RELN: variants seen among roughly 807,000 people sequenced by gnomAD.
The protein encoded by RELN is reelin.
RELN carries 108 observed loss-of-function variants against 427.6 expected under a neutral mutation model. The ratio of observed to expected loss-of-function variants is 0.25; its 90% CI spans 0.22 to 0.30. The LOEUF (loss-of-function observed/expected upper bound fraction) is 0.30, where lower values mean the gene tolerates loss of function less well. RELN is among the 10% of genes least tolerant of loss of function. RELN has a pLI of 1.00. For missense variants in RELN, 3,715 were observed against 4,302.8 expected, an observed-to-expected ratio of 0.86 and a Z score of 3.82; for synonymous variants, 1,524 against 1,513.4, an observed-to-expected ratio of 1.01 and a Z score of -0.16.
At chr7:103,775,035 G>C (rs7785495) in intron 4 of RELN, among the ~76,000 whole-genome samples, 2 of 151,900 alleles carry the variant, frequency 1.3e-5, no homozygotes, top group Non-Finnish European at 2.9e-5. Context: ...CAATAATTCA[G>C]TTATAATAGA....
intron 16 of RELN, among the ~76,000 whole-genome samples, chr7:103,644,935 A>C (rs566307203): frequency 1.3e-5 from 2 of 151,758 alleles, no homozygotes; most frequent in African/African-American, 4.8e-5. Flanking sequence ...GGAATTCTTA[A>C]TAGAAACCTT....
chr7:103,864,762 C>T (rs926112546), intron 2 of RELN, among the ~76,000 whole-genome samples: 2 of 151,958 alleles, frequency 1.3e-5, no homozygotes, highest in African/African-American at 4.8e-5. Flanking sequence ...AACAACAAAA[C>T]TGAGTTTGGC....
chr7:103,903,866 C>T (rs917941984), intron 2 of RELN, among the ~76,000 whole-genome samples: 1 of 151,094 alleles, frequency 6.6e-6, no homozygotes, highest in Non-Finnish European at 1.5e-5. Context: ...TTTTAAGTTC[C>T]GGGATACATG....
At chr7:103,612,422 T>C (rs1831981797) in intron 20 of RELN, among the ~76,000 whole-genome samples, 1 of 151,800 alleles carries the variant, frequency 6.6e-6, no homozygotes, top group Non-Finnish European at 1.5e-5. Flanking sequence ...ATTACAGGCA[T>C]GTGCCACCAT....
chr7:103,926,627 GTTTTTTTTTTT>G (rs60259062), intron 1 of RELN, among the ~76,000 whole-genome samples: 40 of 99,440 alleles, frequency 4.0e-4, no homozygotes, highest in Admixed American at 3.7e-4. Context: ...AGTATCATAA[GTTTTTTTTTTT>G]TTTTTTTTTT....
intron 45 of RELN, among the ~76,000 whole-genome samples, chr7:103,538,282 G>C (rs115562659): frequency 6.6e-6 from 1 of 152,114 alleles, no homozygotes; most frequent in Non-Finnish European, 1.5e-5. Flanking sequence ...ATCTAAAACT[G>C]AACGGGGACC....
intron 64 of RELN, among the ~76,000 whole-genome samples, chr7:103,477,137 G>A (rs538436072): frequency 3.7e-4 from 57 of 152,178 alleles, no homozygotes; most frequent in Non-Finnish European, 7.2e-4. Context: ...TGCCAAGGGA[G>A]TTTAGGGACT....
chr7:103,480,920 T>C (rs1365840255), intron 63 of RELN, among the ~76,000 whole-genome samples: 1 of 152,204 alleles, frequency 6.6e-6, no homozygotes, highest in Non-Finnish European at 1.5e-5. Context: ...GAGCCTGGTA[T>C]ATGACAAATT....
intron 31 of RELN, among the ~76,000 whole-genome samples, chr7:103,568,124 T>A (rs556153155): frequency 3.3e-5 from 5 of 152,122 alleles, no homozygotes; most frequent in African/African-American, 1.2e-4. Context: ...AAAATTATAA[T>A]TTTTTTTGCT....
intron 3 of RELN, among the ~76,000 whole-genome samples, 165 bp downstream of exon 3, chr7:103,833,372 T>TATTTAAAA (rs1178053083): frequency 6.6e-6 from 1 of 152,240 alleles, no homozygotes; most frequent in Non-Finnish European, 1.5e-5. Flanking sequence ...CTGCTAAATT[T>TATTTAAAA]ACTTTTTAAA....
intron 4 of RELN, among the ~76,000 whole-genome samples, chr7:103,754,514 T>A (rs898473391): frequency 6.6e-6 from 1 of 152,122 alleles, no homozygotes; most frequent in Non-Finnish European, 1.5e-5. Flanking sequence ...AGCTCATGCC[T>A]GTAATCCCAG....
At chr7:103,686,816 A>G (rs542848831) in intron 10 of RELN, among the ~76,000 whole-genome samples, 147 of 152,336 alleles carry the variant, frequency 9.6e-4, no homozygotes, top group African/African-American at 3.4e-3. Flanking sequence ...CTATATTAAA[A>G]GAAAACTTAA....
At chr7:103,757,869 T>C (rs1041789083) in intron 4 of RELN, among the ~76,000 whole-genome samples, 5 of 152,202 alleles carry the variant, frequency 3.3e-5, no homozygotes, top group Non-Finnish European at 5.9e-5. Flanking sequence ...TTTAGTTTCA[T>C]TGGTGAGACC....
chr7:103,967,496 T>C (rs2116807840), intron 1 of RELN, among the ~76,000 whole-genome samples: 1 of 152,286 alleles, frequency 6.6e-6, no homozygotes, highest in South Asian at 2.1e-4. Flanking sequence ...AGGCCTTTTC[T>C]TCAATTAGGT....
At chr7:103,966,325 T>C (rs1248537689) in intron 1 of RELN, among the ~76,000 whole-genome samples, 2 of 152,184 alleles carry the variant, frequency 1.3e-5, no homozygotes, top group East Asian at 1.9e-4. Context: ...ACAGGGCTCA[T>C]TCACACACAC....
Position 103,626,333 on chromosome 7 carries a change from T to C in RELN, c.2702+3607A>G, listed in dbSNP as rs1244427350. On this transcript the variant is annotated intron_variant, in intron 20 of 64. Coordinates refer to ENST00000428762, the MANE Select transcript of RELN (RefSeq NM_005045.4). The surrounding 1 kb of genome is among the most constrained non-coding windows in gnomAD (Gnocchi z 4.4). ...TGCCAATTCTAAATGCTACAACAAC[T>C]ATTCTCTCTCAATTGTACACTTATA... Among the ~76,000 whole-genome samples, 3 of 152,040 alleles carry C rather than the reference T, an allele frequency of 2.0e-5. No homozygotes were observed. Among genetic ancestry groups the C allele is most frequent in the Non-Finnish European group, 4.4e-5 (3 of 67,950 alleles).
intron 63 of RELN, chr7:103,482,198 A>G (rs10233848): frequency 0.42 from 63,983 of 152,022 alleles, 15,382 homozygotes; most frequent in African/African-American, 0.66. Flanking sequence ...GAGAAGATTC[A>G]CCTCTCCTTG....
chr7:103,849,515 G>C (rs534945254), intron 2 of RELN, among the ~76,000 whole-genome samples: 1 of 152,096 alleles, frequency 6.6e-6, no homozygotes, highest in Non-Finnish European at 1.5e-5. Context: ...TATAGATGTA[G>C]GTCTAAATTT....
chr7:103,530,154 G>A (rs1584268118), intron 46 of RELN, among the ~76,000 whole-genome samples: 2 of 152,076 alleles, frequency 1.3e-5, no homozygotes, highest in Non-Finnish European at 2.9e-5. Context: ...TCATGTCTCT[G>A]TCAAATGGAC....
Sources: allele counts gnomAD v4.1 joint callset (sites outside exome capture counted in the v4.1 genomes callset), GRCh38; gene constraint gnomAD v4.1.1; non-coding constraint Gnocchi (gnomAD v3.1); transcripts MANE v1.5; gene names NCBI Gene and HGNC (gene_info 2026-07-23, HGNC 2026-07-21).